Variants in EPHA6 observed in about 807,000 individuals in gnomAD.
EPHA6 encodes the protein EPH receptor A6, also known as ephrin type-A receptor 6.
EPHA6 carries 50 observed loss-of-function variants against 112.0 expected under a neutral mutation model. The ratio of observed to expected loss-of-function variants is 0.45; its 90% confidence interval spans 0.36 to 0.56. The LOEUF is 0.56. Ranked by LOEUF, EPHA6 falls within the 20% of genes least tolerant of loss-of-function variation. The probability of loss-of-function intolerance (pLI) is 0.00; values close to 1 mark genes in which losing one functional copy is unlikely to be tolerated. For missense variants in EPHA6, 1,280 were observed against 1,417.4 expected (o/e 0.90, Z 1.56); for synonymous variants, 529 against 490.7 (o/e 1.08, Z -1.03).
At chr3:97,246,794 A>G (rs1302205416) in intron 5 of EPHA6, among the ~76,000 whole-genome samples, 1 of 151,900 alleles carries the variant, frequency 6.6e-6, no homozygotes, top group Non-Finnish European at 1.5e-5. Flanking sequence ...AGAGATACCA[A>G]GAAGACCCCC....
intron 8 of EPHA6, among the ~76,000 whole-genome samples, chr3:97,477,456 G>A (rs1180237124): frequency 6.7e-6 from 1 of 149,876 alleles, no homozygotes; most frequent in South Asian, 2.1e-4. Flanking sequence ...GGAAGGGGAG[G>A]GGAGGGGAGG....
intron 3 of EPHA6, among the ~76,000 whole-genome samples, chr3:97,169,093 C>T (rs1383089869): frequency 6.6e-6 from 1 of 152,144 alleles, no homozygotes; most frequent in Non-Finnish European, 1.5e-5. Context: ...CTGTCTTATG[C>T]TCTCAGAATG....
chr3:97,653,564 A>G (rs2094120201), intron 14 of EPHA6, among the ~76,000 whole-genome samples: 2 of 151,940 alleles, frequency 1.3e-5, no homozygotes, highest in Non-Finnish European at 2.9e-5. Context: ...GGTAATGTAA[A>G]TTGGTACAGC....
At chr3:97,743,382 T>G (rs528209454) in intron 16 of EPHA6, among the ~76,000 whole-genome samples, 1 of 152,262 alleles carries the variant, frequency 6.6e-6, no homozygotes, top group South Asian at 2.1e-4. Flanking sequence ...GAGTTTTCAC[T>G]TATTCTTTTA....
At chr3:96,979,096 A>G (rs577093702) in intron 2 of EPHA6, among the ~76,000 whole-genome samples, 42 of 152,248 alleles carry the variant, frequency 2.8e-4, no homozygotes, top group Admixed American at 7.9e-4. Context: ...TCTAGGGTAC[A>G]TGTGCACAAC....
At chr3:97,082,643 TCTA>T (rs773633027) in intron 3 of EPHA6, among the ~76,000 whole-genome samples, 17 of 152,036 alleles carry the variant, frequency 1.1e-4, no homozygotes, top group South Asian at 8.3e-4. Flanking sequence ...AGTATAAAAT[TCTA>T]CTATTTATGC....
At chr3:97,559,307 A>G (rs1347110238) in intron 11 of EPHA6, among the ~76,000 whole-genome samples, 1 of 152,058 alleles carries the variant, frequency 6.6e-6, no homozygotes, top group African/African-American at 2.4e-5. Flanking sequence ...AATGCATATG[A>G]ATTGGCATTG....
At chr3:97,489,484 G>A (rs1560062833) in intron 10 of EPHA6, among the ~76,000 whole-genome samples, 2 of 152,146 alleles carry the variant, frequency 1.3e-5, no homozygotes, top group African/African-American at 4.8e-5. Flanking sequence ...AGGAGATCAA[G>A]ACAATCTTGG....
intron 5 of EPHA6, among the ~76,000 whole-genome samples, chr3:97,350,223 C>T (rs1198184057): frequency 6.6e-6 from 1 of 152,060 alleles, no homozygotes; most frequent in Non-Finnish European, 1.5e-5. Flanking sequence ...ATAAAAGGCA[C>T]TCACACCAAG....
At chr3:96,956,011 T>C (rs563801452) in intron 2 of EPHA6, among the ~76,000 whole-genome samples, 1 of 152,324 alleles carries the variant, frequency 6.6e-6, no homozygotes, top group African/African-American at 2.4e-5. Flanking sequence ...TTATATTCAG[T>C]ACGAAATGGA....
chr3:97,041,130 C>G lies in EPHA6; in HGVS notation c.1114+53137C>G, dbSNP rs560959307. The stretch of plus-strand genomic sequence containing the variant: ...TTTTGTTTTCTTTCCTCTGTACTAA[C>G]AGTCCTAGTCAAAAACAACGAAATC... On this transcript the variant is annotated intron_variant, in intron 3 of 17. Transcript: ENST00000389672. 5.3e-5 allele frequency among the ~76,000 whole-genome samples: 8 copies of G among 152,178 alleles called. 1 individual carries two copies. In the South Asian group the frequency reaches 1.7e-3, roughly 32 times the overall value.
At chr3:97,280,329 T>A (rs2080243125) in intron 5 of EPHA6, among the ~76,000 whole-genome samples, 1 of 152,242 alleles carries the variant, frequency 6.6e-6, no homozygotes, top group Non-Finnish European at 1.5e-5. Flanking sequence ...ATTATATAAA[T>A]TAATTTCATA....
intron 3 of EPHA6, among the ~76,000 whole-genome samples, chr3:97,203,129 G>A (rs1362997795): frequency 6.6e-6 from 1 of 152,094 alleles, no homozygotes; most frequent in Non-Finnish European, 1.5e-5. Flanking sequence ...TTATTAAGCA[G>A]GGTAAGTAAA....
intron 11 of EPHA6, among the ~76,000 whole-genome samples, chr3:97,548,264 T>A (rs545799777): frequency 1.3e-5 from 2 of 152,338 alleles, no homozygotes; most frequent in East Asian, 3.9e-4. Flanking sequence ...TTTTTGGCAG[T>A]GGCATCACAG....
At chr3:97,097,757 A>G (rs935490306) in intron 3 of EPHA6, among the ~76,000 whole-genome samples, 1 of 151,930 alleles carries the variant, frequency 6.6e-6, no homozygotes, top group Non-Finnish European at 1.5e-5. Flanking sequence ...TGAAATAACA[A>G]AATTTAATGC....
At chr3:97,611,634 A>T (rs547283382) in intron 13 of EPHA6, among the ~76,000 whole-genome samples, 1 of 151,960 alleles carries the variant, frequency 6.6e-6, no homozygotes, top group Non-Finnish European at 1.5e-5. Context: ...CAAAGGTCAT[A>T]TATTTGCATG....
chr3:97,254,785 A>T lies in EPHA6; in HGVS notation c.1606+10498A>T, dbSNP rs575560838. Among the ~76,000 whole-genome samples the T allele has an allele frequency of 1.1e-4, 16 of 152,290 alleles. No homozygotes were observed. The South Asian group carries it at 3.3e-3, about 32-fold the overall frequency. On this transcript the variant is annotated intron_variant, in intron 5 of 17. Transcript: ENST00000389672. ...GTATCTTTTAACTGACTCTTTTAAG[A>T]TGGTCTTCCTGAAATATCTCACCTA...
At chr3:97,504,501 A>G (rs916417455) in intron 10 of EPHA6, among the ~76,000 whole-genome samples, 2 of 152,112 alleles carry the variant, frequency 1.3e-5, no homozygotes, top group Non-Finnish European at 2.9e-5. Flanking sequence ...GTTACTTTAT[A>G]TAGCTTTGTT....
At chr3:97,147,015 C>T (rs1409004312) in intron 3 of EPHA6, among the ~76,000 whole-genome samples, 1 of 151,962 alleles carries the variant, frequency 6.6e-6, no homozygotes, top group Admixed American at 6.6e-5. Context: ...ACTTCCCATC[C>T]TCAACTCAAA....
Sources: allele counts gnomAD v4.1 joint callset (sites outside exome capture counted in the v4.1 genomes callset), GRCh38; gene constraint gnomAD v4.1.1; transcripts MANE v1.5; gene names NCBI Gene and HGNC (gene_info 2026-07-23, HGNC 2026-07-21).